SYT1: variants seen among roughly 807,000 people sequenced by gnomAD.
SYT1 encodes the protein synaptotagmin 1, also known as synaptotagmin-1.
A neutral mutation model predicts 44.8 loss-of-function variants in SYT1; 8 were observed. The ratio of observed to expected loss-of-function variants is 0.18; its 90% confidence interval spans 0.10 to 0.32. SYT1 has a LOEUF of 0.32. Among genes scored for constraint, SYT1 ranks in the 10% least tolerant of loss-of-function variants. The pLI is 1.00. For synonymous variants in SYT1, 154 were observed against 188.8 expected (o/e 0.82, Z 1.51); for missense variants, 286 against 509.3 (o/e 0.56, Z 4.22).
chr12:79,391,838 A>C (rs570875481), intron 9 of SYT1, among the ~76,000 whole-genome samples: 1 of 152,320 alleles, frequency 6.6e-6, no homozygotes, highest in South Asian at 2.1e-4. Context: ...CTGAGTACAA[A>C]CCTGCATATG....
intron 10 of SYT1, among the ~76,000 whole-genome samples, chr12:79,448,415 T>C (rs1870852888): frequency 6.6e-6 from 1 of 152,218 alleles, no homozygotes; most frequent in Non-Finnish European, 1.5e-5. Context: ...TGTAACATGC[T>C]GTCCCCCCAC....
At chr12:78,946,588 G>T (rs1878668599) in intron 1 of SYT1, among the ~76,000 whole-genome samples, 1 of 152,166 alleles carries the variant, frequency 6.6e-6, no homozygotes, top group Admixed American at 6.5e-5. Flanking sequence ...CCGGGAGGCA[G>T]AGGCAGGAGA....
At chr12:78,987,646 A>G (rs1869737971) in intron 2 of SYT1, among the ~76,000 whole-genome samples, 1 of 152,006 alleles carries the variant, frequency 6.6e-6, no homozygotes, top group Non-Finnish European at 1.5e-5. Flanking sequence ...CTCTGCATAC[A>G]TAGTTACCAT....
At chr12:79,431,007 C>T (rs1470022848) in intron 9 of SYT1, among the ~76,000 whole-genome samples, 1 of 152,182 alleles carries the variant, frequency 6.6e-6, no homozygotes, top group Non-Finnish European at 1.5e-5. Flanking sequence ...TGAATGAATT[C>T]TGTACCACAA....
intron 2 of SYT1, among the ~76,000 whole-genome samples, chr12:78,979,761 C>A (rs1852200693): frequency 6.6e-6 from 1 of 151,718 alleles, no homozygotes; most frequent in Non-Finnish European, 1.5e-5. Context: ...TATTTAAAAG[C>A]TTTTTCCAAG....
At chr12:79,225,532 CAT>C (rs1875467622) in intron 4 of SYT1, among the ~76,000 whole-genome samples, 1 of 152,114 alleles carries the variant, frequency 6.6e-6, no homozygotes, top group South Asian at 2.1e-4. Context: ...ACTTTGAGGT[CAT>C]AACTACCAGG....
At chr12:78,908,727 G>T (rs1217013120) in intron 1 of SYT1, among the ~76,000 whole-genome samples, 1 of 151,854 alleles carries the variant, frequency 6.6e-6, no homozygotes, top group East Asian at 1.9e-4. Context: ...ATATTGCAGT[G>T]GAAATGAATA....
At chr12:79,308,475 A>G (rs184866200) in intron 8 of SYT1, among the ~76,000 whole-genome samples, 17 of 151,874 alleles carry the variant, frequency 1.1e-4, no homozygotes, top group Non-Finnish European at 2.4e-4. Flanking sequence ...ATGCCATTGC[A>G]CTGCAGCCTA....
intron 9 of SYT1, among the ~76,000 whole-genome samples, chr12:79,440,458 TAGAG>T (rs1870347112): frequency 6.6e-6 from 1 of 152,150 alleles, no homozygotes; most frequent in Non-Finnish European, 1.5e-5. Context: ...TACAGAGATA[TAGAG>T]TGCCTAGAGA....
intron 2 of SYT1, among the ~76,000 whole-genome samples, chr12:79,022,420 A>G (rs1872253551): frequency 6.6e-6 from 1 of 151,752 alleles, no homozygotes; most frequent in African/African-American, 2.4e-5. Flanking sequence ...GATTAAAACT[A>G]TTTTCATTAT....
At chr12:79,252,033 ATATATC>A (rs1565876417) in intron 4 of SYT1, among the ~76,000 whole-genome samples, 1 of 151,984 alleles carries the variant, frequency 6.6e-6, no homozygotes, top group African/African-American at 2.4e-5. Context: ...ATGTGTATCT[ATATATC>A]TATGGATATT....
intron 1 of SYT1, among the ~76,000 whole-genome samples, chr12:78,924,330 A>G (rs995928178): frequency 6.6e-6 from 1 of 151,858 alleles, no homozygotes; most frequent in Non-Finnish European, 1.5e-5. Flanking sequence ...TCCCTCTGTA[A>G]TGAAAAATAT....
chr12:79,123,812 T>C lies in SYT1; in HGVS notation c.-18+76450T>C, dbSNP rs1016098646. ...AATGCTTTTTAAAAATTAACAAATA[T>C]TAGTTCTTTATTTCATTGACCAGTA... On this transcript the variant is annotated intron_variant, in intron 3 of 10. Coordinates refer to ENST00000261205, the MANE Select transcript of SYT1 (RefSeq NM_005639.3). Among the ~76,000 whole-genome samples the C allele has an allele frequency of 2.0e-5, 3 of 152,118 alleles. No homozygotes were observed. In the East Asian group the frequency reaches 5.8e-4, roughly 29 times the overall value.
intron 4 of SYT1, among the ~76,000 whole-genome samples, chr12:79,262,202 A>G (rs1222336917): frequency 6.6e-6 from 1 of 151,998 alleles, no homozygotes; most frequent in Non-Finnish European, 1.5e-5. Context: ...TTTTCCTTAT[A>G]CTTTCTTTTT....
At position 79,117,619 on chromosome 12, in the gene SYT1, C is replaced by T. The variant is rs1228725994; in HGVS notation, c.-18+70257C>T. Among the ~76,000 whole-genome samples, 8 of 135,160 alleles carry T rather than the reference C, an allele frequency of 5.9e-5. No homozygotes were observed. The East Asian group carries it at 1.6e-3, about 27-fold the overall frequency. The allele number at this position is 135,160 out of a possible 152,430, so 88.7% of individuals were successfully genotyped here. A position where few individuals can be genotyped will look rare whatever the true frequency, so the allele number is the denominator to read the frequency against. Reference sequence around the variant, plus strand: ...CAGCTCACCTGCCTCTACCACAGGACAGATCACAGGACAGGCTGTGTGTGT... The same window carrying T: ...CAGCTCACCTGCCTCTACCACAGGATAGATCACAGGACAGGCTGTGTGTGT... On this transcript the variant is annotated intron_variant, in intron 3 of 10. Transcript: ENST00000261205.
At chr12:79,187,447 A>G (rs1176874889) in intron 3 of SYT1, among the ~76,000 whole-genome samples, 2 of 152,114 alleles carry the variant, frequency 1.3e-5, no homozygotes, top group Admixed American at 6.6e-5. Context: ...TTTTATGTCT[A>G]TCACTCAAAT....
At chr12:78,891,397 A>G (rs1305050042) in intron 1 of SYT1, among the ~76,000 whole-genome samples, 2 of 151,940 alleles carry the variant, frequency 1.3e-5, no homozygotes. Context: ...CATTAAACTC[A>G]ACATTTTTAC....
chr12:79,023,688 A>G lies in SYT1; in HGVS notation c.-83-23609A>G, dbSNP rs143138185. Among the ~76,000 whole-genome samples, 204 of 151,930 alleles carry G rather than the reference A, an allele frequency of 1.3e-3. 2 individuals are homozygous for G. The highest frequency in any genetic ancestry group is 4.7e-3 in the African/African-American group (195 of 41,500). On this transcript the variant is annotated intron_variant, in intron 2 of 10. Transcript: ENST00000261205. Reference sequence around the variant, plus strand: ...AATTATATTGCATTATTTCATGCCTACAGACGTTACAAGACAAGCACAAAA... The same window carrying G: ...AATTATATTGCATTATTTCATGCCTGCAGACGTTACAAGACAAGCACAAAA...
intron 4 of SYT1, among the ~76,000 whole-genome samples, chr12:79,273,913 G>A (rs1195849776): frequency 1.3e-5 from 2 of 152,062 alleles, no homozygotes; most frequent in Non-Finnish European, 2.9e-5. Flanking sequence ...GTGAAACCCC[G>A]TCTCTACTAA....
Sources: allele counts gnomAD v4.1 joint callset (sites outside exome capture counted in the v4.1 genomes callset), GRCh38; gene constraint gnomAD v4.1.1; transcripts MANE v1.5; gene names NCBI Gene and HGNC (gene_info 2026-07-23, HGNC 2026-07-21).